UGT1A10: variants seen among roughly 807,000 people sequenced by gnomAD.
UGT1A10 encodes UDP-glucuronosyltransferase 1A10.
Under a neutral mutation model 45.8 loss-of-function variants are expected in UGT1A10, and 49 were observed. The ratio of observed to expected loss-of-function variants is 1.07; its 90% CI spans 0.85 to 1.36. UGT1A10 has a LOEUF of 1.36. UGT1A10 is among the 40% of genes most tolerant of loss of function. UGT1A10 has a pLI of 0.00. For missense variants in UGT1A10, 745 were observed against 668.6 expected (o/e 1.11, Z -1.26); for synonymous variants, 284 against 249.7 (o/e 1.14, Z -1.29).
chr2:233,756,514 G>A (rs1394281486), intron 1 of UGT1A10, among the ~76,000 whole-genome samples: 1 of 152,030 alleles, frequency 6.6e-6, no homozygotes, highest in African/African-American at 2.4e-5. Context: ...AGGGTCAAAT[G>A]TGCATGTTAT....
chr2:233,717,477 G>A (rs551633792), intron 1 of UGT1A10, among the ~76,000 whole-genome samples: 2 of 152,228 alleles, frequency 1.3e-5, no homozygotes, highest in Non-Finnish European at 2.9e-5. Context: ...TGTGTCCAAA[G>A]GTGGAATCTG....
chr2:233,726,889 C>T (rs1279562155), intron 1 of UGT1A10, among the ~76,000 whole-genome samples: 1 of 152,192 alleles, frequency 6.6e-6, no homozygotes, highest in Non-Finnish European at 1.5e-5. Context: ...GAGCTATCAG[C>T]TTACCATTCA....
At chr2:233,737,438 C>T (rs756713740) in intron 1 of UGT1A10, among the ~76,000 whole-genome samples, 1 of 152,164 alleles carries the variant, frequency 6.6e-6, no homozygotes, top group Non-Finnish European at 1.5e-5. Context: ...GTGGGAGTGT[C>T]CCGTTTTTCC....
intron 1 of UGT1A10, among the ~76,000 whole-genome samples, chr2:233,701,144 A>C (rs188566548): frequency 6.6e-6 from 1 of 152,282 alleles, no homozygotes. Flanking sequence ...GTTGGTTCCA[A>C]GTCTTTGCTA....
At chr2:233,767,722 A>T (rs1699460301) in intron 2 of UGT1A10, 127 bp from the exon 3 acceptor site, 6 of 1,548,124 alleles carry the variant, frequency 3.9e-6, no homozygotes, top group Middle Eastern at 3.4e-4. Flanking sequence ...CTTCACAGTT[A>T]CTGATCCTCC....
At chr2:233,722,926 T>C (rs2077050442) in intron 1 of UGT1A10, among the ~76,000 whole-genome samples, 1 of 129,968 alleles carries the variant, frequency 7.7e-6, no homozygotes, top group South Asian at 3.0e-4. Context: ...TCATCCTCAT[T>C]GTCTCCATGC....
At chr2:233,672,247 A>T in intron 1 of UGT1A10, 1 of 1,614,208 alleles carries the variant, frequency 6.2e-7, no homozygotes, top group Non-Finnish European at 8.5e-7. Flanking sequence ...AGTACGAAGT[A>T]TATATTCTCT....
chr2:233,658,737 TC>T (rs1274005122), intron 1 of UGT1A10, among the ~76,000 whole-genome samples: 1 of 152,248 alleles, frequency 6.6e-6, no homozygotes, highest in Non-Finnish European at 1.5e-5. Flanking sequence ...AGTAGTCTTT[TC>T]TCCACTGAAT....
chr2:233,710,310 G>C (rs566439380), intron 1 of UGT1A10, among the ~76,000 whole-genome samples: 1 of 152,308 alleles, frequency 6.6e-6, no homozygotes, highest in Non-Finnish European at 1.5e-5. Flanking sequence ...TGCATGGTAG[G>C]TGTATGTATG....
At chr2:233,680,327 G>A (rs1310899130) in intron 1 of UGT1A10, among the ~76,000 whole-genome samples, 2 of 152,146 alleles carry the variant, frequency 1.3e-5, no homozygotes, top group East Asian at 1.9e-4. Flanking sequence ...GAGAAGAAAC[G>A]CGCAGAGGGT....
At chr2:233,646,079 G>T (rs1339790013) in intron 1 of UGT1A10, among the ~76,000 whole-genome samples, 1 of 152,228 alleles carries the variant, frequency 6.6e-6, no homozygotes, top group Non-Finnish European at 1.5e-5. Context: ...TGCACCCACA[G>T]TCTCAACCCC....
rs556044106 is a variant in UGT1A10, at chr2:233,743,839, C to T, written c.856-23195C>T. ...TTTTGTCGGGGTGCCACTTGAGCGC[C>T]AGCTTGCGGTACGCCTTCTTGATGG... On this transcript the variant is annotated intron_variant, in intron 1 of 4. Coordinates refer to ENST00000344644, the MANE Select transcript of UGT1A10 (RefSeq NM_019075.4). 3 of 1,367,286 alleles carry T rather than the reference C, an allele frequency of 2.2e-6. No individual in the cohort carries two copies. In the South Asian group the frequency reaches 3.4e-5, roughly 16 times the overall value. 84.7% of individuals were successfully genotyped at this position (1,367,286 alleles called of 1,614,324 possible).
In UGT1A10 at chr2:233,682,010, G is replaced by T. The variant is rs748366826; in HGVS notation, c.855+44633G>T. Reference sequence around the variant, plus strand: ...ACTGCTGACCTGTGGCTTTGCCAAGGCAGGGAAGCTGCTGGTAGTGCCCAT... The same window carrying T: ...ACTGCTGACCTGTGGCTTTGCCAAGTCAGGGAAGCTGCTGGTAGTGCCCAT... On this transcript the variant is annotated intron_variant, in intron 1 of 4. Transcript: ENST00000344644. 2 of 1,614,024 alleles carry T rather than the reference G, an allele frequency of 1.2e-6. No individual in the cohort carries two copies. The highest frequency in any genetic ancestry group is 1.1e-5 in the South Asian group (1 of 91,090).
At chr2:233,729,260 G>A (rs774974731) in intron 1 of UGT1A10, 12 of 1,613,974 alleles carry the variant, frequency 7.4e-6, no homozygotes, top group East Asian at 4.5e-5. Context: ...CTCAGCATGC[G>A]GGAGGTCTTG....
chr2:233,697,083 C>G (rs1335387953), intron 1 of UGT1A10, among the ~76,000 whole-genome samples: 1 of 151,984 alleles, frequency 6.6e-6, no homozygotes, highest in Non-Finnish European at 1.5e-5. Context: ...CAGGGTAACA[C>G]TGGTCTCACA....
chr2:233,717,430 C>T (rs528668664), intron 1 of UGT1A10, among the ~76,000 whole-genome samples: 2 of 152,364 alleles, frequency 1.3e-5, no homozygotes, highest in African/African-American at 4.8e-5. Flanking sequence ...GGGTGTCCCT[C>T]TGATGGACGC....
chr2:233,693,458 G>A lies in UGT1A10; in HGVS notation c.855+56081G>A. ...GTTTGATGCTCTTTTCACAGACCCAGCCTTACCCTGTGGGGTGATCCTGGC... is the reference window on the plus strand; with the variant it reads ...GTTTGATGCTCTTTTCACAGACCCAACCTTACCCTGTGGGGTGATCCTGGC... On this transcript the variant is annotated intron_variant, in intron 1 of 4. Coordinates refer to ENST00000344644, the MANE Select transcript of UGT1A10 (RefSeq NM_019075.4). The A allele has an allele frequency of 6.2e-7, 1 of 1,614,092 alleles. No individual in the cohort carries two copies. The highest frequency in any genetic ancestry group is 8.5e-7 in the Non-Finnish European group (1 of 1,180,020).
chr2:233,714,286 T>C (rs551165794), intron 1 of UGT1A10, among the ~76,000 whole-genome samples: 1 of 152,310 alleles, frequency 6.6e-6, no homozygotes, highest in South Asian at 2.1e-4. Context: ...CAATTTTTAG[T>C]GGTCCCATCT....
intron 1 of UGT1A10, chr2:233,755,329 C>G (rs1159047004): frequency 4.3e-6 from 2 of 468,526 alleles, no homozygotes; most frequent in African/African-American, 2.0e-5. Flanking sequence ...CTGCCAGCAC[C>G]CGCGCACAGG....
Sources: gnomAD v4.1 joint callset for allele counts (sites outside exome capture counted in the v4.1 genomes callset) on GRCh38, gnomAD v4.1.1 for gene constraint, MANE v1.5 for transcripts, NCBI Gene and HGNC (gene_info 2026-07-23, HGNC 2026-07-21) for gene names.